Variants in ZFP41 observed in about 807,000 individuals in gnomAD.
ZFP41 encodes ZFP41 zinc finger protein.
Under a neutral mutation model 11.6 loss-of-function variants are expected in ZFP41, and 10 were observed. The observed-to-expected ratio is 0.86, with a 90% CI of 0.53 to 1.47. ZFP41 has a LOEUF of 1.47. Among genes scored for constraint, ZFP41 ranks in the 40% most tolerant of loss-of-function variants. The pLI, the probability that ZFP41 is intolerant of heterozygous loss-of-function variation, is 0.00. For synonymous variants in ZFP41, 123 were observed against 100.9 expected (o/e 1.22, Z -1.31); for missense variants, 302 against 264.6 (o/e 1.14, Z -0.98).
rs1814719737 is a variant in ZFP41 at position 143,250,637 on chromosome 8, GTC to G, written c.*203_*204del. 3.6e-6 allele frequency: 3 copies of G among 843,924 alleles called. No individual in the cohort carries two copies. The allele number at this position is 843,924 out of a possible 1,614,324, so 52.3% of individuals were successfully genotyped here. ...GGGAGAGACCTTTCCACTGCAGAGA[GTC>G]TCTCTGATCAAGACACCGCAGTGAT... On this transcript the variant is annotated 3_prime_UTR_variant, in exon 2 of 3. Transcript: ENST00000330701.
intron 2 of ZFP41, among the ~76,000 whole-genome samples, chr8:143,253,919 G>A (rs1386811934): frequency 6.6e-6 from 1 of 152,112 alleles, no homozygotes; most frequent in Non-Finnish European, 1.5e-5. Context: ...GTATGAAACT[G>A]TCCCACCTCA....
chr8:143,260,660 CGG>C lies in ZFP41; in HGVS notation c.*1787_*1788del. 4 of 194,356 alleles carry C rather than the reference CGG, an allele frequency of 2.1e-5. No individual in the cohort carries two copies. The highest frequency in any genetic ancestry group is 1.3e-4 in the South Asian group (2 of 15,624). 12.0% of individuals were successfully genotyped at this position (194,356 alleles called of 1,614,324 possible). On this transcript the variant is annotated 3_prime_UTR_variant, in exon 3 of 3. Coordinates refer to ENST00000330701, the MANE Select transcript of ZFP41 (RefSeq NM_173832.6). ...ATCCTTCCAGCCTCTCTTGGCCACCCGGACCAGCGGGCACCACCCTCCCAGCC... is the reference window on the plus strand; with the variant it reads ...ATCCTTCCAGCCTCTCTTGGCCACCCACCAGCGGGCACCACCCTCCCAGCC...
rs201962972 is a variant in ZFP41 at position 143,250,200 on chromosome 8, G to A, written c.357G>A (p.Gln119=). The A allele has an allele frequency of 6.2e-7, 1 of 1,614,068 alleles. No homozygotes were observed. The highest frequency in any genetic ancestry group is 2.2e-5 in the East Asian group (1 of 44,876). The change falls in exon 2 of 3, where the codon CAG becomes CAA. Residue 119 remains glutamine, a synonymous_variant. Transcript: ENST00000330701. ...HTGEKPFKCA[Q]CGKAFRHSSD... The stretch of plus-strand genomic sequence containing the variant: ...GAGAGAAGCCCTTCAAGTGTGCGCA[G>A]TGCGGGAAGGCCTTCCGGCACAGCT...
chr8:143,257,875 GGTGCT>G (rs1436600476), intron 2 of ZFP41, among the ~76,000 whole-genome samples: 1 of 152,232 alleles, frequency 6.6e-6, no homozygotes, highest in East Asian at 1.9e-4. Context: ...ACCAAGTCCA[GGTGCT>G]TTGCACGTGA....
rs753883465 is a variant in ZFP41 at position 143,250,203 on chromosome 8, C to T, written c.360C>T (p.Cys120=). 2 of 1,614,016 alleles carry T rather than the reference C, an allele frequency of 1.2e-6. No individual in the cohort carries two copies. The highest frequency in any genetic ancestry group is 1.7e-5 in the Admixed American group (1 of 60,010). ...AGAAGCCCTTCAAGTGTGCGCAGTGCGGGAAGGCCTTCCGGCACAGCTCTG... is the reference window on the plus strand; with the variant it reads ...AGAAGCCCTTCAAGTGTGCGCAGTGTGGGAAGGCCTTCCGGCACAGCTCTG... The part of the protein sequence containing the change: ...TGEKPFKCAQ[C]GKAFRHSSDV... Residue 120 remains cysteine (C), a synonymous_variant, in exon 2 of 3, where the codon TGC becomes TGT. Coordinates refer to ENST00000330701, the MANE Select transcript of ZFP41 (RefSeq NM_173832.6).
At chr8:143,254,301 C>G (rs1814854525) in intron 2 of ZFP41, among the ~76,000 whole-genome samples, 1 of 152,344 alleles carries the variant, frequency 6.6e-6, no homozygotes. Context: ...TAGTAACACA[C>G]AATGAACTAA....
intron 2 of ZFP41, among the ~76,000 whole-genome samples, chr8:143,251,853 C>G (rs564996422): frequency 5.6e-4 from 85 of 152,332 alleles, no homozygotes; most frequent in African/African-American, 2.0e-3. Context: ...GCAGGCCTCC[C>G]CTCCCACTGG....
chr8:143,248,948 A>C (rs1342766229), intron 1 of ZFP41, among the ~76,000 whole-genome samples: 2 of 152,226 alleles, frequency 1.3e-5, no homozygotes, highest in South Asian at 4.1e-4. Flanking sequence ...CATGAGGGAG[A>C]GGAGGGAAGG....
intron 2 of ZFP41, chr8:143,253,231 G>A (rs1042096680): frequency 1.3e-5 from 2 of 152,352 alleles, no homozygotes; most frequent in African/African-American, 4.8e-5. Flanking sequence ...TCCTACTGCA[G>A]ATGCACACTG....
At position 143,249,787 on chromosome 8, in the gene ZFP41, G is replaced by A. The variant is rs1196867595; in HGVS notation, c.-57G>A. The A allele has an allele frequency of 2.6e-6, 4 of 1,516,796 alleles. No homozygotes were observed. Among genetic ancestry groups the A allele is most frequent in the Non-Finnish European group, 3.5e-6 (4 of 1,137,458 alleles). The allele number at this position is 1,516,796 out of a possible 1,614,324, so 94.0% of individuals were successfully genotyped here. ...GTGGGAAGCAAGCCATTGAGGAAGT[G>A]GGGCCAACAGAGAGGTCAGCAGCCC... On this transcript the variant is annotated 5_prime_UTR_variant, in exon 2 of 3. Coordinates refer to ENST00000330701, the MANE Select transcript of ZFP41 (RefSeq NM_173832.6).
chr8:143,259,634 C>CCGTT (rs1814992107), intron 2 of ZFP41, 141 bp from the exon 3 acceptor site: 1 of 151,712 alleles, frequency 6.6e-6, no homozygotes, highest in South Asian at 2.1e-4. Context: ...ACCCTGGCCT[C>CCGTT]CGTTGCCCAC....
In ZFP41 at chr8:143,251,916, G is replaced by A. The variant is rs139810741; in HGVS notation, c.*900+576G>A. On this transcript the variant is annotated intron_variant, in intron 2 of 2. Coordinates refer to ENST00000330701, the MANE Select transcript of ZFP41 (RefSeq NM_173832.6). ...GACGTGTTGGAAGCACATTCCACACGCAGAGTGTGTCTCTTCTCCCGGCTG... is the reference window on the plus strand; with the variant it reads ...GACGTGTTGGAAGCACATTCCACACACAGAGTGTGTCTCTTCTCCCGGCTG... 3.7e-4 allele frequency among the ~76,000 whole-genome samples: 57 copies of A among 152,276 alleles called. No individual in the cohort carries two copies. The East Asian group carries it at 8.3e-3, about 22-fold the overall frequency.
At chr8:143,256,629 G>A (rs1213344032) in intron 2 of ZFP41, among the ~76,000 whole-genome samples, 1 of 152,222 alleles carries the variant, frequency 6.6e-6, no homozygotes, top group African/African-American at 2.4e-5. Context: ...TGTAATCCCA[G>A]TGCTTTGGAA....
intron 2 of ZFP41, among the ~76,000 whole-genome samples, 195 bp downstream of exon 2, chr8:143,251,535 G>A (rs960925570): frequency 2.0e-5 from 3 of 152,220 alleles, no homozygotes; most frequent in Non-Finnish European, 2.9e-5. Context: ...AAATGTTGGC[G>A]CCTATGTTTT....
At position 143,256,407 on chromosome 8, in the gene ZFP41, C is replaced by G. The variant is rs7844192; in HGVS notation, c.*901-3368C>G. On this transcript the variant is annotated intron_variant, in intron 2 of 2. Coordinates refer to ENST00000330701, the MANE Select transcript of ZFP41 (RefSeq NM_173832.6). ...TGCTGGAGTTAGTGAGATCAGGGCT[C>G]GCCCCGCGTGCTGGTGTTAGTGAGA... Among the ~76,000 whole-genome samples the G allele has an allele frequency of 9.0e-3, 1,301 of 144,860 alleles. 43 individuals are homozygous for G. Among genetic ancestry groups the G allele is most frequent in the African/African-American group, 0.036 (1,242 of 34,952 alleles).
chr8:143,250,491 C>A lies in ZFP41; in HGVS notation c.*51C>A. The A allele has an allele frequency of 6.4e-7, 1 of 1,573,588 alleles. No individual in the cohort carries two copies. Among genetic ancestry groups the A allele is most frequent in the Non-Finnish European group, 8.6e-7 (1 of 1,159,092 alleles). On this transcript the variant is annotated 3_prime_UTR_variant, in exon 2 of 3. Transcript: ENST00000330701. The stretch of plus-strand genomic sequence containing the variant: ...CCTGCGGTGCGAGCCTCGCCGGACA[C>A]CTGCTCCGTGGCTCCCTCGTGTCCC...
In ZFP41 at chr8:143,250,464, G is replaced by T; in HGVS notation, c.*24G>T. ...GAGCCGGGGCCATCTGCGGACTCGG[G>T]CCCTGCGGTGCGAGCCTCGCCGGAC... On this transcript the variant is annotated 3_prime_UTR_variant, in exon 2 of 3. Coordinates refer to ENST00000330701, the MANE Select transcript of ZFP41 (RefSeq NM_173832.6). The T allele has an allele frequency of 6.3e-7, 1 of 1,597,350 alleles. No individual in the cohort carries two copies. The highest frequency in any genetic ancestry group is 1.3e-5 in the African/African-American group (1 of 74,620).
At chr8:143,255,919 G>A (rs1300892471) in intron 2 of ZFP41, among the ~76,000 whole-genome samples, 63 of 96,820 alleles carry the variant, frequency 6.5e-4, no homozygotes, top group Non-Finnish European at 1.1e-3. Flanking sequence ...TGGTGTTAGT[G>A]AGATCACGGC....
chr8:143,260,800 C>T lies in ZFP41; in HGVS notation c.*1926C>T, dbSNP rs747517131. 3.3e-5 allele frequency: 6 copies of T among 181,498 alleles called. No individual in the cohort carries two copies. Among genetic ancestry groups the T allele is most frequent in the Non-Finnish European group, 7.0e-5 (6 of 85,570 alleles). 11.2% of individuals were successfully genotyped at this position (181,498 alleles called of 1,614,324 possible). ...CATCCTCCCAGCCCCACTCAGCTGC[C>T]CTGACCAGCGGGCACCATCCTCCCA... On this transcript the variant is annotated 3_prime_UTR_variant, in exon 3 of 3. Coordinates refer to ENST00000330701, the MANE Select transcript of ZFP41 (RefSeq NM_173832.6).
Sources: gnomAD v4.1 joint callset for allele counts (sites outside exome capture counted in the v4.1 genomes callset) on GRCh38, gnomAD v4.1.1 for gene constraint, MANE v1.5 for transcripts, NCBI Gene and HGNC (gene_info 2026-07-23, HGNC 2026-07-21) for gene names.